The following RABGAP1L variants were observed in gnomAD, a reference collection of about 807,000 sequenced individuals.
RABGAP1L encodes rab GTPase-activating protein 1-like.
In RABGAP1L, 63 loss-of-function variants were observed where a neutral mutation model predicts 137.7. The observed-to-expected ratio is 0.46, with a 90% CI of 0.37 to 0.56. RABGAP1L has a LOEUF of 0.56. RABGAP1L is among the 20% of genes least tolerant of loss of function. The pLI, the probability that RABGAP1L is intolerant of heterozygous loss-of-function variation, is 0.00. For synonymous variants in RABGAP1L, 431 were observed against 433.7 expected (o/e 0.99, Z 0.08); for missense variants, 1,095 against 1,244.0 (o/e 0.88, Z 1.80).
At chr1:174,329,788 G>A (rs1349099623) in intron 11 of RABGAP1L, among the ~76,000 whole-genome samples, 2 of 151,038 alleles carry the variant, frequency 1.3e-5, no homozygotes, top group Non-Finnish European at 2.9e-5. Context: ...TTGTGATAAA[G>A]CTTCCAGCAA....
chr1:174,577,783 G>T (rs1668484523), intron 13 of RABGAP1L, among the ~76,000 whole-genome samples: 1 of 152,170 alleles, frequency 6.6e-6, no homozygotes, highest in African/African-American at 2.4e-5. Flanking sequence ...GCTAGCAGCA[G>T]GTAGCCCAAA....
At chr1:174,209,492 A>G (rs1367191529) in intron 1 of RABGAP1L, among the ~76,000 whole-genome samples, 2 of 152,200 alleles carry the variant, frequency 1.3e-5, no homozygotes, top group Non-Finnish European at 2.9e-5. Context: ...GTGGGTGGCC[A>G]CAGGATAAGG....
intron 13 of RABGAP1L, among the ~76,000 whole-genome samples, chr1:174,561,344 C>T (rs556369303): frequency 6.6e-6 from 1 of 152,206 alleles, no homozygotes; most frequent in Admixed American, 6.5e-5. Context: ...AACCACTGCT[C>T]AAGGAAATAA....
chr1:174,669,489 G>A (rs1395332788), intron 14 of RABGAP1L, among the ~76,000 whole-genome samples: 1 of 152,148 alleles, frequency 6.6e-6, no homozygotes, highest in African/African-American at 2.4e-5. Flanking sequence ...TTAGTTTGAT[G>A]CAATCACATT....
intron 19 of RABGAP1L, among the ~76,000 whole-genome samples, chr1:174,939,282 G>A (rs1354809030): frequency 6.6e-6 from 1 of 152,164 alleles, no homozygotes; most frequent in East Asian, 1.9e-4. Flanking sequence ...TGGGCCAGGT[G>A]TAGTGGCTCA....
intron 14 of RABGAP1L, among the ~76,000 whole-genome samples, chr1:174,648,779 T>G (rs1054809400): frequency 2.6e-5 from 4 of 152,168 alleles, no homozygotes; most frequent in Admixed American, 2.0e-4. Flanking sequence ...CTTGTTGATC[T>G]GTCTGATATT....
chr1:174,569,746 G>A (rs1438263574), intron 13 of RABGAP1L, among the ~76,000 whole-genome samples: 1 of 152,148 alleles, frequency 6.6e-6, no homozygotes, highest in Non-Finnish European at 1.5e-5. Context: ...AGAATTCAGT[G>A]GTGTATTTTC....
intron 13 of RABGAP1L, among the ~76,000 whole-genome samples, chr1:174,486,538 C>T (rs557973234): frequency 2.0e-5 from 3 of 151,686 alleles, no homozygotes; most frequent in Non-Finnish European, 4.4e-5. Flanking sequence ...AGTAGAGACA[C>T]GGTTTCACTG....
intron 13 of RABGAP1L, among the ~76,000 whole-genome samples, chr1:174,474,157 A>G (rs1658243437): frequency 6.6e-6 from 1 of 152,210 alleles, no homozygotes; most frequent in Non-Finnish European, 1.5e-5. Flanking sequence ...ATACTGCATT[A>G]AAATGAATAA....
intron 13 of RABGAP1L, among the ~76,000 whole-genome samples, chr1:174,551,021 TAC>T (rs1377725516): frequency 3.3e-5 from 4 of 122,790 alleles, no homozygotes; most frequent in East Asian, 2.1e-4. Flanking sequence ...TATATATATA[TAC>T]ATACACACAC....
chr1:174,837,121 C>T (rs756297273), intron 19 of RABGAP1L, among the ~76,000 whole-genome samples: 1 of 151,744 alleles, frequency 6.6e-6, no homozygotes, highest in Non-Finnish European at 1.5e-5. Context: ...GTGGGAGAAT[C>T]ACTTGAACCC....
intron 19 of RABGAP1L, among the ~76,000 whole-genome samples, chr1:174,926,175 C>A (rs1662812134): frequency 6.6e-6 from 1 of 151,968 alleles, no homozygotes; most frequent in Admixed American, 6.6e-5. Flanking sequence ...GCTAGTATGT[C>A]ACAGTTTCAA....
intron 12 of RABGAP1L, among the ~76,000 whole-genome samples, chr1:174,386,068 T>C (rs767958464): frequency 1.3e-5 from 2 of 152,168 alleles, no homozygotes; most frequent in Non-Finnish European, 2.9e-5. Flanking sequence ...ATTTGATGAA[T>C]AGGCAAGAAA....
chr1:174,504,041 C>T lies in RABGAP1L; in HGVS notation c.1710+109896C>T, dbSNP rs1427589025. Among the ~76,000 whole-genome samples the T allele has an allele frequency of 3.3e-5, 5 of 150,106 alleles. No homozygotes were observed. In the East Asian group the frequency reaches 5.9e-4, roughly 18 times the overall value. On this transcript the variant is annotated intron_variant, in intron 13 of 25. Transcript: ENST00000681986. The stretch of plus-strand genomic sequence containing the variant: ...AGGCTGGAGTGCAGTGGTGTAATCT[C>T]GGCTCACCACAAACGCCGCCTTCAG...
At position 174,829,215 on chromosome 1, in the gene RABGAP1L, T is replaced by C. The variant is rs1691863681; in HGVS notation, c.2340+17255T>C. ...ATTTATTGAGGTAACAAACCCTGTTTATAAAAGATGAAGAATATTGGGCTT... is the reference window on the plus strand; with the variant it reads ...ATTTATTGAGGTAACAAACCCTGTTCATAAAAGATGAAGAATATTGGGCTT... On this transcript the variant is annotated intron_variant, in intron 19 of 25. Coordinates refer to ENST00000681986, the MANE Select transcript of RABGAP1L (RefSeq NM_001366446.1). Among the ~76,000 whole-genome samples, 2 of 148,150 alleles carry C rather than the reference T, an allele frequency of 1.3e-5. 1 individual carries two copies. Among genetic ancestry groups the C allele is most frequent in the African/African-American group, 4.9e-5 (2 of 40,624 alleles).
At chr1:174,873,604 C>T (rs995276767) in intron 19 of RABGAP1L, among the ~76,000 whole-genome samples, 2 of 151,648 alleles carry the variant, frequency 1.3e-5, no homozygotes, top group Admixed American at 6.6e-5. Flanking sequence ...ACCCCTGCCT[C>T]CCGGGTTCAA....
chr1:174,414,030 A>G (rs1346805138), intron 13 of RABGAP1L, among the ~76,000 whole-genome samples: 1 of 152,148 alleles, frequency 6.6e-6, no homozygotes, highest in African/African-American at 2.4e-5. Flanking sequence ...GGCACCATGT[A>G]TGGTCTGTAA....
chr1:174,857,439 T>C (rs1353196170), intron 19 of RABGAP1L, among the ~76,000 whole-genome samples: 1 of 152,204 alleles, frequency 6.6e-6, no homozygotes, highest in Admixed American at 6.5e-5. Context: ...AGGCTTTCAT[T>C]TCCCCAGCTG....
intron 19 of RABGAP1L, among the ~76,000 whole-genome samples, chr1:174,884,888 A>T (rs925200341): frequency 6.6e-6 from 1 of 152,232 alleles, no homozygotes; most frequent in African/African-American, 2.4e-5. Flanking sequence ...TAGTTCTACC[A>T]TCTGAATCAC....
Sources: gnomAD v4.1 joint callset for allele counts (sites outside exome capture counted in the v4.1 genomes callset) on GRCh38, gnomAD v4.1.1 for gene constraint, MANE v1.5 for transcripts, NCBI Gene and HGNC (gene_info 2026-07-23, HGNC 2026-07-21) for gene names.